ANXA10: variants seen among roughly 807,000 people sequenced by gnomAD.
ANXA10 encodes annexin A10.
ANXA10 carries 49 observed loss-of-function variants against 53.5 expected under a neutral mutation model. The ratio of observed to expected loss-of-function variants is 0.92; its 90% CI spans 0.73 to 1.16. ANXA10 has a LOEUF of 1.16. Ranked by LOEUF, ANXA10 falls within the 50% of genes most tolerant of loss-of-function variation. ANXA10 has a pLI of 0.00. For missense variants in ANXA10, 393 were observed against 394.4 expected (o/e 1.00, Z 0.03); for synonymous variants, 131 against 128.9 (o/e 1.02, Z -0.11).
chr4:168,155,312 ATATAT>A (rs767666805), intron 3 of ANXA10, among the ~76,000 whole-genome samples: 59 of 128,356 alleles, frequency 4.6e-4, no homozygotes, highest in East Asian at 1.9e-3. Context: ...TTAGTAATAT[ATATAT>A]TATATTATAT....
At chr4:168,187,150 A>G (rs1732385904) in intron 11 of ANXA10, among the ~76,000 whole-genome samples, 1 of 152,122 alleles carries the variant, frequency 6.6e-6, no homozygotes, top group Non-Finnish European at 1.5e-5. Flanking sequence ...CTTTATGTAA[A>G]CCACATACTA....
At chr4:168,098,064 A>C (rs763243780) in intron 1 of ANXA10, among the ~76,000 whole-genome samples, 1 of 151,974 alleles carries the variant, frequency 6.6e-6, no homozygotes, top group Non-Finnish European at 1.5e-5. Context: ...ATTAACATTA[A>C]TACAGTGTGC....
intron 3 of ANXA10, among the ~76,000 whole-genome samples, chr4:168,153,450 AAAAC>A (rs1342604420): frequency 1.8e-5 from 1 of 54,760 alleles, no homozygotes; most frequent in South Asian, 4.4e-4. Context: ...AACAAAAACA[AAAAC>A]AAAACAAAAA....
chr4:168,181,815 A>G lies in ANXA10; in HGVS notation c.783+74A>G, dbSNP rs1732253704. ...TTCTCAAAGGATTAATTTTACTTCC[A>G]TCATTTAAATGTTCATTACCATTTT... On this transcript the variant is annotated intron_variant, in intron 10 of 11. Transcript: ENST00000359299. The G allele has an allele frequency of 1.2e-5, 13 of 1,100,894 alleles. No individual in the cohort carries two copies. In the Admixed American group the frequency reaches 2.4e-4, roughly 20 times the overall value. 68.2% of individuals were successfully genotyped at this position (1,100,894 alleles called of 1,614,324 possible).
intron 6 of ANXA10, 34 bp downstream of exon 6, chr4:168,165,360 T>C: frequency 8.5e-7 from 1 of 1,182,664 alleles, no homozygotes; most frequent in Non-Finnish European, 1.2e-6. Context: ...TACTTTGCAC[T>C]ATCTAAGCAA....
chr4:168,163,499 A>T (rs1383917033), intron 4 of ANXA10, among the ~76,000 whole-genome samples: 1 of 96,536 alleles, frequency 1.0e-5, no homozygotes, highest in Non-Finnish European at 2.2e-5. Flanking sequence ...CGCTTTTAAC[A>T]CATGTTACAT....
At chr4:168,151,476 C>G (rs1428757425) in intron 3 of ANXA10, among the ~76,000 whole-genome samples, 1 of 152,190 alleles carries the variant, frequency 6.6e-6, no homozygotes, top group African/African-American at 2.4e-5. Context: ...CAACACAGAA[C>G]AGCTCAATTT....
At chr4:168,160,268 G>A (rs1207430625) in intron 3 of ANXA10, among the ~76,000 whole-genome samples, 1 of 151,942 alleles carries the variant, frequency 6.6e-6, no homozygotes, top group Non-Finnish European at 1.5e-5. Flanking sequence ...ATGTGTCCAT[G>A]TGTTCTCATC....
chr4:168,177,258 G>C (rs948299716), intron 6 of ANXA10, among the ~76,000 whole-genome samples: 4 of 152,274 alleles, frequency 2.6e-5, no homozygotes, highest in African/African-American at 7.2e-5. Context: ...AATGATAATG[G>C]AGTGAGAGTT....
chr4:168,140,339 A>G (rs753386431), intron 3 of ANXA10, among the ~76,000 whole-genome samples: 3 of 152,270 alleles, frequency 2.0e-5, no homozygotes, highest in Non-Finnish European at 4.4e-5. Flanking sequence ...TCCACCTCTA[A>G]ACCCCAGTCT....
intron 1 of ANXA10, among the ~76,000 whole-genome samples, chr4:168,122,485 A>G (rs1033386359): frequency 6.6e-6 from 1 of 152,206 alleles, no homozygotes; most frequent in Admixed American, 6.5e-5. Flanking sequence ...CGAATTCAAT[A>G]TATCATATTG....
chr4:168,164,386 C>T, intron 5 of ANXA10, 98 bp downstream of exon 5: 1 of 899,654 alleles, frequency 1.1e-6, no homozygotes, highest in Non-Finnish European at 1.7e-6. Context: ...TTATCTAAGA[C>T]ATTCTTACAT....
At chr4:168,118,971 T>G (rs1449932455) in intron 1 of ANXA10, among the ~76,000 whole-genome samples, 1 of 152,182 alleles carries the variant, frequency 6.6e-6, no homozygotes, top group African/African-American at 2.4e-5. Context: ...AATATTTGAT[T>G]ATTTAATCAA....
chr4:168,112,591 T>TA (rs1246333883), intron 1 of ANXA10, among the ~76,000 whole-genome samples: 2 of 152,142 alleles, frequency 1.3e-5, no homozygotes, highest in African/African-American at 2.4e-5. Flanking sequence ...TTCTAATGAC[T>TA]AAAAAATATT....
Position 168,141,964 on chromosome 4 carries a change from T to C in ANXA10, c.195+2384T>C, listed in dbSNP as rs969689966. The stretch of plus-strand genomic sequence containing the variant: ...GGGGTTGGATACGAATTCTATCTAA[T>C]GGCTGCACTGCTCATTACCACCACC... On this transcript the variant is annotated intron_variant, in intron 3 of 11. Coordinates refer to ENST00000359299, the MANE Select transcript of ANXA10 (RefSeq NM_007193.5). 1.2e-3 allele frequency among the ~76,000 whole-genome samples: 176 copies of C among 152,148 alleles called. 1 individual carries two copies. Among genetic ancestry groups the C allele is most frequent in the Non-Finnish European group, 2.2e-4 (15 of 68,022 alleles).
chr4:168,180,158 G>A (rs985981325), intron 9 of ANXA10, among the ~76,000 whole-genome samples: 2 of 152,088 alleles, frequency 1.3e-5, no homozygotes, highest in African/African-American at 4.8e-5. Context: ...AGGCTTCCAT[G>A]AAAACAGTTT....
At chr4:168,105,726 T>G (rs1243905901) in intron 1 of ANXA10, among the ~76,000 whole-genome samples, 1 of 152,136 alleles carries the variant, frequency 6.6e-6, no homozygotes, top group South Asian at 2.1e-4. Flanking sequence ...TAATTTACAC[T>G]CCCACCAACA....
chr4:168,183,133 T>C (rs1732293609), intron 10 of ANXA10, among the ~76,000 whole-genome samples: 1 of 152,168 alleles, frequency 6.6e-6, no homozygotes, highest in Non-Finnish European at 1.5e-5. Flanking sequence ...AATACAGTAA[T>C]TTTAATCATC....
chr4:168,159,133 C>G lies in ANXA10; in HGVS notation c.196-3395C>G, dbSNP rs551981509. On this transcript the variant is annotated intron_variant, in intron 3 of 11. Coordinates refer to ENST00000359299, the MANE Select transcript of ANXA10 (RefSeq NM_007193.5). ...TATGGCAACACAAAGTGGACTAACA[C>G]GCTACTTCTATTGATATCATCATAT... is the stretch of plus-strand genomic sequence containing the variant. 2.0e-5 allele frequency among the ~76,000 whole-genome samples: 3 copies of G among 152,258 alleles called. No individual in the cohort carries two copies. The East Asian group carries it at 5.8e-4, about 29-fold the overall frequency.
Sources: allele counts gnomAD v4.1 joint callset (sites outside exome capture counted in the v4.1 genomes callset), GRCh38; gene constraint gnomAD v4.1.1; transcripts MANE v1.5; gene names NCBI Gene and HGNC (gene_info 2026-07-23, HGNC 2026-07-21).